The following CDC27 variants were observed in gnomAD, a reference collection of about 807,000 sequenced individuals.
CDC27 encodes the protein cell division cycle protein 27 homolog.
In CDC27, 27 loss-of-function variants were observed where a neutral mutation model predicts 109.7. That is an observed-to-expected ratio of 0.25 (90% CI 0.18 to 0.34). The LOEUF is 0.34. Among genes scored for constraint, CDC27 ranks in the 10% least tolerant of loss-of-function variants. CDC27 has a pLI of 1.00. For missense variants in CDC27, 579 were observed against 960.2 expected (o/e 0.60, Z 5.25); for synonymous variants, 266 against 333.9 (o/e 0.80, Z 2.22).
chr17:47,122,638 T>C, intron 17 of CDC27, 38 bp from the exon 18 acceptor site: 1 of 1,494,468 alleles, frequency 6.7e-7, no homozygotes, highest in Non-Finnish European at 9.0e-7. Flanking sequence ...TTCATTAAGT[T>C]GTGAGCTTCA....
chr17:47,119,781 C>CGAAG lies in CDC27; in HGVS notation c.*1153_*1154insCTTC, dbSNP rs2061944700. On this transcript the variant is annotated 3_prime_UTR_variant, in exon 19 of 19. Transcript: ENST00000066544. ...AACTCAGAAGAGAACCTATCTCCTT[C>CGAAG]ATAAGAATGTTTTTTCCCCCAAGCT... The CGAAG allele has an allele frequency of 6.6e-6, 1 of 152,144 alleles. No homozygotes were observed. Among genetic ancestry groups the CGAAG allele is most frequent in the South Asian group, 2.1e-4 (1 of 4,830 alleles). The allele number at this position is 152,144 out of a possible 1,614,324, so 9.4% of individuals were successfully genotyped here. A position where few individuals can be genotyped will look rare whatever the true frequency, so the allele number is the denominator to read the frequency against.
At chr17:47,139,967 A>AG (rs2062744827) in intron 12 of CDC27, 1 of 152,094 alleles carries the variant, frequency 6.6e-6, no homozygotes, top group African/African-American at 2.4e-5. Flanking sequence ...CAGCTGCCAG[A>AG]AAAGGTCTAG....
At chr17:47,123,370 G>A (rs1430079780) in intron 17 of CDC27, among the ~76,000 whole-genome samples, 1 of 149,516 alleles carries the variant, frequency 6.7e-6, no homozygotes, top group South Asian at 2.1e-4. Flanking sequence ...AGACAACACA[G>A]TGCCATTCAT....
intron 9 of CDC27, among the ~76,000 whole-genome samples, chr17:47,148,463 C>G (rs952520462): frequency 3.9e-5 from 6 of 152,008 alleles, no homozygotes; most frequent in African/African-American, 1.4e-4. Context: ...TATACAAGTA[C>G]CTGGAGTCCC....
intron 9 of CDC27, among the ~76,000 whole-genome samples, chr17:47,144,286 T>G (rs1204533186): frequency 6.6e-6 from 1 of 152,182 alleles, no homozygotes; most frequent in Non-Finnish European, 1.5e-5. Flanking sequence ...ATAAAATGAC[T>G]CGTTACTACA....
chr17:47,176,233 C>CT (rs202013191), intron 2 of CDC27, among the ~76,000 whole-genome samples: 202 of 147,388 alleles, frequency 1.4e-3, no homozygotes, highest in Middle Eastern at 6.9e-3. Context: ...ATTTCATCAA[C>CT]TTTTTTTTTT....
intron 12 of CDC27, among the ~76,000 whole-genome samples, chr17:47,140,560 T>A (rs546932985): frequency 6.6e-6 from 1 of 152,270 alleles, no homozygotes; most frequent in African/African-American, 2.4e-5. Context: ...GGAAAAAAAC[T>A]CAGAAATTAA....
chr17:47,176,790 A>C (rs1227474981), intron 2 of CDC27, among the ~76,000 whole-genome samples: 2 of 152,216 alleles, frequency 1.3e-5, no homozygotes, highest in Non-Finnish European at 2.9e-5. Flanking sequence ...TGAAACATCC[A>C]AGTTAATTCA....
intron 4 of CDC27, among the ~76,000 whole-genome samples, chr17:47,168,994 T>TC (rs2063731191): frequency 6.7e-6 from 1 of 149,104 alleles, no homozygotes; most frequent in Non-Finnish European, 1.5e-5. Context: ...TTTTTTTTTT[T>TC]CTTTTTTTTT....
At chr17:47,143,836 C>A in intron 10 of CDC27, 47 bp downstream of exon 10, 3 of 828,082 alleles carry the variant, frequency 3.6e-6, no homozygotes, top group South Asian at 2.9e-5. Context: ...GAAATGTTAG[C>A]AGGCGAAGCA....
At chr17:47,132,777 A>ATTATTGTTATTG (rs370648589) in intron 14 of CDC27, among the ~76,000 whole-genome samples, 7 of 132,820 alleles carry the variant, frequency 5.3e-5, no homozygotes, top group Admixed American at 4.9e-4. Flanking sequence ...TATTATTATT[A>ATTATTGTTATTG]TTATATTTTA....
At chr17:47,142,102 A>T (rs1877057166) in intron 11 of CDC27, 77 bp from the exon 12 acceptor site, 2 of 1,227,870 alleles carry the variant, frequency 1.6e-6, no homozygotes, top group African/African-American at 3.0e-5. Context: ...GTAATTACAA[A>T]CTAATCTATT....
intron 1 of CDC27, among the ~76,000 whole-genome samples, chr17:47,187,078 T>C (rs749275368): frequency 6.6e-6 from 1 of 152,214 alleles, no homozygotes; most frequent in African/African-American, 2.4e-5. Flanking sequence ...TCTTATACTA[T>C]ACAACCAAAA....
intron 15 of CDC27, among the ~76,000 whole-genome samples, chr17:47,130,268 G>A (rs1280313348): frequency 6.6e-6 from 1 of 152,138 alleles, no homozygotes; most frequent in African/African-American, 2.4e-5. Context: ...GGCTGAGGCA[G>A]GAGAATTGCT....
chr17:47,140,982 T>C (rs1364800657), intron 12 of CDC27, among the ~76,000 whole-genome samples: 1 of 152,206 alleles, frequency 6.6e-6, no homozygotes, highest in Admixed American at 6.5e-5. Context: ...TTCCTCACCA[T>C]GCTTCATTTT....
chr17:47,142,175 TTAAAA>T, intron 11 of CDC27, 49 bp downstream of exon 11: 3 of 1,221,106 alleles, frequency 2.5e-6, no homozygotes, highest in East Asian at 2.6e-5. Flanking sequence ...AGAAATTTAC[TTAAAA>T]TAAGTACATA....
At chr17:47,143,244 G>A (rs1017851849) in intron 10 of CDC27, among the ~76,000 whole-genome samples, 4 of 152,052 alleles carry the variant, frequency 2.6e-5, no homozygotes, top group African/African-American at 9.7e-5. Flanking sequence ...GATTACAGGC[G>A]TGAGCCACTG....
At chr17:47,169,645 CA>C (rs373074410) in intron 4 of CDC27, among the ~76,000 whole-genome samples, 1,866 of 60,114 alleles carry the variant, frequency 0.031, 23 homozygotes, top group African/African-American at 0.081. Flanking sequence ...AACTCCATCT[CA>C]AAAAAAAAAA....
chr17:47,171,064 C>T (rs1598566288), intron 3 of CDC27: 1 of 152,204 alleles, frequency 6.6e-6, no homozygotes, highest in Non-Finnish European at 1.5e-5. Context: ...CCCCACTGCA[C>T]TCCAGCCTGA....
Sources: gnomAD v4.1 joint callset for allele counts (sites outside exome capture counted in the v4.1 genomes callset) on GRCh38, gnomAD v4.1.1 for gene constraint, MANE v1.5 for transcripts, NCBI Gene and HGNC (gene_info 2026-07-23, HGNC 2026-07-21) for gene names.